Variants in ATP2B2 observed in about 807,000 individuals in gnomAD.
ATP2B2 encodes ATPase plasma membrane Ca2+ transporting 2.
Under a neutral mutation model 120.0 loss-of-function variants are expected in ATP2B2, and 15 were observed. That is an observed-to-expected ratio of 0.12 (90% CI 0.08 to 0.19). The LOEUF is 0.19. ATP2B2 is among the 10% of genes least tolerant of loss of function. ATP2B2 has a pLI of 1.00. For missense variants in ATP2B2, 1,045 were observed against 1,719.8 expected (o/e 0.61, Z 6.94); for synonymous variants, 694 against 700.3 (o/e 0.99, Z 0.14).
At chr3:10,628,542 A>G (rs2069771997) in intron 1 of ATP2B2, among the ~76,000 whole-genome samples, 1 of 152,244 alleles carries the variant, frequency 6.6e-6, no homozygotes, top group African/African-American at 2.4e-5. Context: ...GGCAGGCCTC[A>G]ACGCAGGACA....
At chr3:10,666,563 G>C (rs1304322925) in intron 1 of ATP2B2, among the ~76,000 whole-genome samples, 1 of 152,244 alleles carries the variant, frequency 6.6e-6, no homozygotes, top group Non-Finnish European at 1.5e-5. Context: ...ACAGGTGCAA[G>C]TCCTGCGGCC....
At chr3:10,673,508 G>GAA (rs1044847258) in intron 1 of ATP2B2, among the ~76,000 whole-genome samples, 7 of 152,100 alleles carry the variant, frequency 4.6e-5, no homozygotes, top group African/African-American at 1.4e-4. Flanking sequence ...CAGAGAGAGA[G>GAA]AGAGAGAGAG....
Position 10,415,273 on chromosome 3 carries a change from G to A in ATP2B2, c.200-4458C>T, listed in dbSNP as rs1430970788. 2.6e-5 allele frequency among the ~76,000 whole-genome samples: 4 copies of A among 152,212 alleles called. No individual in the cohort carries two copies. The East Asian group carries it at 5.8e-4, about 22-fold the overall frequency. On this transcript the variant is annotated intron_variant, in intron 2 of 22. Transcript: ENST00000360273. ...GGAGTGTAGTGCTGTGCCTGGCACC[G>A]GGTAGATGTACTGTGTCATTATTAC...
Position 10,329,260 on chromosome 3 carries a change from A to G in ATP2B2, c.3421-135T>C. The G allele has an allele frequency of 2.3e-6, 2 of 867,462 alleles. No individual in the cohort carries two copies. Among genetic ancestry groups the G allele is most frequent in the Non-Finnish European group, 1.9e-6 (1 of 526,260 alleles). The allele number at this position is 867,462 out of a possible 1,614,324, so 53.7% of individuals were successfully genotyped here. On this transcript the variant is annotated intron_variant, in intron 22 of 22. Transcript: ENST00000360273. The surrounding 1 kb of genome is among the most constrained non-coding windows in gnomAD (Gnocchi z 5.9). ...GAATCCATAGTCGCTGGGTGTTATTAGCATTGACAGGATGGGGGAGAGTGA... is the reference window on the plus strand; with the variant it reads ...GAATCCATAGTCGCTGGGTGTTATTGGCATTGACAGGATGGGGGAGAGTGA...
At chr3:10,386,830 C>G (rs557613574) in intron 6 of ATP2B2, among the ~76,000 whole-genome samples, 2 of 152,194 alleles carry the variant, frequency 1.3e-5, no homozygotes, top group African/African-American at 4.8e-5. Flanking sequence ...TTTCTGACAT[C>G]TCCATCTCAC....
At chr3:10,394,574 G>C (rs2061969239) in intron 5 of ATP2B2, 2 of 458,950 alleles carry the variant, frequency 4.4e-6, no homozygotes, top group South Asian at 3.1e-5. Context: ...CCGAGTAGCA[G>C]ACTGGGCCTT....
intron 11 of ATP2B2, among the ~76,000 whole-genome samples, chr3:10,373,347 G>A (rs943623588): frequency 6.6e-6 from 1 of 152,256 alleles, no homozygotes; most frequent in African/African-American, 2.4e-5. Flanking sequence ...TCACAGCCTG[G>A]ACCTTTCTAT....
At chr3:10,337,814 C>A (rs759904640) in intron 22 of ATP2B2, among the ~76,000 whole-genome samples, 9 of 152,120 alleles carry the variant, frequency 5.9e-5, no homozygotes, top group Non-Finnish European at 1.3e-4. Flanking sequence ...CCTCACACGG[C>A]CCCTGTGGGT....
At chr3:10,622,458 G>T in intron 1 of ATP2B2, among the ~76,000 whole-genome samples, 1 of 152,110 alleles carries the variant, frequency 6.6e-6, no homozygotes, top group Non-Finnish European at 1.5e-5. Flanking sequence ...TAAAGGTGAA[G>T]GCCTGGGATG....
At chr3:10,442,597 T>A (rs1433106641) in intron 2 of ATP2B2, among the ~76,000 whole-genome samples, 1 of 152,192 alleles carries the variant, frequency 6.6e-6, no homozygotes, top group Non-Finnish European at 1.5e-5. Flanking sequence ...TTTGAAGGAT[T>A]TTTTTTACCC....
At chr3:10,530,964 T>C (rs1053159942) in intron 3 of ATP2B2, among the ~76,000 whole-genome samples, 22 of 152,184 alleles carry the variant, frequency 1.4e-4, no homozygotes, top group African/African-American at 5.3e-4. Context: ...GGGTAAAACA[T>C]TTTCCATAAA....
chr3:10,474,288 C>T (rs936911888), intron 1 of ATP2B2, among the ~76,000 whole-genome samples: 1 of 152,126 alleles, frequency 6.6e-6, no homozygotes, highest in Non-Finnish European at 1.5e-5. Context: ...CTGTTTTGGA[C>T]TTGTTAACTT....
intron 1 of ATP2B2, among the ~76,000 whole-genome samples, chr3:10,482,391 T>C (rs1451597153): frequency 1.3e-5 from 2 of 152,252 alleles, no homozygotes; most frequent in Non-Finnish European, 2.9e-5. Flanking sequence ...TGTCACTGTC[T>C]GCTCTACTCA....
In ATP2B2 at chr3:10,402,262, T is replaced by A; in HGVS notation, c.484A>T (p.Ile162Phe). 6.2e-7 allele frequency: 1 copy of A among 1,614,116 alleles called. No individual in the cohort carries two copies. Among genetic ancestry groups the A allele is most frequent in the South Asian group, 1.1e-5 (1 of 91,080 alleles). Residue 162 changes from isoleucine to phenylalanine, a missense_variant, in exon 4 of 23, where the codon ATC (isoleucine) becomes TTC (phenylalanine). Ile to Phe is a conservative substitution (Grantham distance 21). Around this residue, in one of 11 missense-constraint regions of ATP2B2, gnomAD observed 30 missense variants for 66.7 expected, o/e 0.45. Coordinates refer to ENST00000360273, the MANE Select transcript of ATP2B2 (RefSeq NM_001001331.4). This position sits in a 1 kb window ranked among gnomAD's most constrained non-coding sequence, Gnocchi z 4.9. ...AAGGCCGTGACCAGGACCACACAGA[T>A]AACTGAGAGGAGAATGGCGGCCCCC... is the stretch of plus-strand genomic sequence containing the variant. ...IEGAAILLSV[I>F]CVVLVTAFND...
chr3:10,541,122 A>G (rs775128676), intron 2 of ATP2B2, among the ~76,000 whole-genome samples: 9 of 151,506 alleles, frequency 5.9e-5, no homozygotes, highest in Non-Finnish European at 1.3e-4. Context: ...TTTCATTCTC[A>G]ATTTTGGTCA....
chr3:10,409,317 T>A (rs2062527242), intron 3 of ATP2B2, among the ~76,000 whole-genome samples: 1 of 152,264 alleles, frequency 6.6e-6, no homozygotes, highest in Non-Finnish European at 1.5e-5. Context: ...TCCTTGTTGA[T>A]AATTTGAGCT....
At chr3:10,640,220 G>C (rs962356062) in intron 1 of ATP2B2, among the ~76,000 whole-genome samples, 1 of 152,142 alleles carries the variant, frequency 6.6e-6, no homozygotes, top group Non-Finnish European at 1.5e-5. Flanking sequence ...TCTATCTAAG[G>C]TGCTCTTTCA....
intron 1 of ATP2B2, among the ~76,000 whole-genome samples, chr3:10,503,121 G>C (rs1267697335): frequency 6.6e-6 from 1 of 152,246 alleles, no homozygotes; most frequent in Non-Finnish European, 1.5e-5. Flanking sequence ...GGAGGGCAGC[G>C]GGACAGCACA....
intron 2 of ATP2B2, among the ~76,000 whole-genome samples, chr3:10,436,417 G>A (rs1205782057): frequency 1.3e-5 from 2 of 152,210 alleles, no homozygotes; most frequent in Non-Finnish European, 2.9e-5. Context: ...CGTGGGTAAC[G>A]TGGTGGTATT....
Sources: allele counts gnomAD v4.1 joint callset (sites outside exome capture counted in the v4.1 genomes callset), GRCh38; gene constraint gnomAD v4.1.1; regional missense constraint gnomAD v4.1.1; non-coding constraint Gnocchi (gnomAD v3.1); transcripts MANE v1.5; gene names NCBI Gene and HGNC (gene_info 2026-07-23, HGNC 2026-07-21).